The following PLEKHA6 variants were observed in gnomAD, a reference collection of about 807,000 sequenced individuals.
PLEKHA6 encodes the protein pleckstrin homology domain containing A6, also known as pleckstrin homology domain-containing family A member 6.
In PLEKHA6, 60 loss-of-function variants were observed where a neutral mutation model predicts 116.7. The ratio of observed to expected loss-of-function variants is 0.51; its 90% CI spans 0.42 to 0.64. The LOEUF is 0.64. Ranked by LOEUF, PLEKHA6 falls within the 30% of genes least tolerant of loss-of-function variation. The pLI is 0.00. For missense variants in PLEKHA6, 1,338 were observed against 1,422.7 expected (o/e 0.94, Z 0.96); for synonymous variants, 489 against 556.1 (o/e 0.88, Z 1.70).
chr1:204,358,060 A>C (rs1007144540), intron 1 of PLEKHA6, among the ~76,000 whole-genome samples: 1 of 152,222 alleles, frequency 6.6e-6, no homozygotes, highest in Non-Finnish European at 1.5e-5. Context: ...CCCAGCAAAA[A>C]AAAAGCAGGT....
At chr1:204,285,867 C>A (rs2102995684) in intron 1 of PLEKHA6, among the ~76,000 whole-genome samples, 1 of 152,272 alleles carries the variant, frequency 6.6e-6, no homozygotes, top group South Asian at 2.1e-4. Context: ...CACAGAGGAC[C>A]TGTTCCTCCC....
intron 8 of PLEKHA6, among the ~76,000 whole-genome samples, chr1:204,258,429 G>T (rs1467604573): frequency 6.6e-6 from 1 of 152,210 alleles, no homozygotes; most frequent in Non-Finnish European, 1.5e-5. Context: ...ACCATGCCCA[G>T]CTTCCTGACT....
upstream of PLEKHA6, among the ~76,000 whole-genome samples, chr1:204,360,314 C>T: frequency 6.7e-6 from 1 of 149,352 alleles, no homozygotes; most frequent in East Asian, 1.9e-4. Context: ...TGGCTGTCTA[C>T]TCCAGAGAGG....
At chr1:204,255,087 C>T (rs2102708288) in intron 9 of PLEKHA6, among the ~76,000 whole-genome samples, 1 of 152,262 alleles carries the variant, frequency 6.6e-6, no homozygotes, top group South Asian at 2.1e-4. Flanking sequence ...AATGCACGAG[C>T]TGTTTATGCA....
chr1:204,257,418 G>C lies in PLEKHA6; in HGVS notation c.1459C>G (p.Arg487Gly). The C allele has an allele frequency of 6.4e-7, 1 of 1,565,166 alleles. No homozygotes were observed. The highest frequency in any genetic ancestry group is 8.7e-7 in the Non-Finnish European group (1 of 1,154,186). The stretch of plus-strand genomic sequence containing the variant: ...GGGTCAGCATAGATGTCCTCACTGC[G>C]AGGTGGCAGCCGCTCAAAACGGGCA... ...PSARFERLPP[R>G]SEDIYADPAA... is the part of the protein sequence containing the mutation. The change falls in exon 9 of 23, where the codon CGC becomes GGC. Residue 487 changes from arginine to glycine, a missense_variant. By Grantham distance (125) the Arg-to-Gly change is moderately radical. Transcript: ENST00000272203. This position sits in a 1 kb window ranked among gnomAD's most constrained non-coding sequence, Gnocchi z 6.5.
At chr1:204,271,949 G>T (rs1349881927) in intron 3 of PLEKHA6, among the ~76,000 whole-genome samples, 3 of 152,064 alleles carry the variant, frequency 2.0e-5, no homozygotes, top group Non-Finnish European at 4.4e-5. Flanking sequence ...TGCACAACGT[G>T]CAGGTTTGTT....
chr1:204,254,858 G>A (rs1258550026), intron 9 of PLEKHA6, among the ~76,000 whole-genome samples: 1 of 152,108 alleles, frequency 6.6e-6, no homozygotes, highest in Non-Finnish European at 1.5e-5. Context: ...CTAAACTTAA[G>A]AGTATGTGCT....
chr1:204,281,615 C>G (rs1298000421), intron 1 of PLEKHA6, among the ~76,000 whole-genome samples: 5 of 152,174 alleles, frequency 3.3e-5, no homozygotes, highest in African/African-American at 1.2e-4. Flanking sequence ...CCCCTACTGT[C>G]TCTCTTCCAT....
At chr1:204,368,868 G>C (rs1041674832) in intron 2 of PLEKHA6, 1 of 152,212 alleles carries the variant, frequency 6.6e-6, no homozygotes, top group East Asian at 1.9e-4. Flanking sequence ...CAGTCCACAC[G>C]CCTGCCTTGT....
In PLEKHA6 at chr1:204,249,165, G is replaced by A. The variant is rs755588118; in HGVS notation, c.1674+19C>T. 10 of 1,604,726 alleles carry A rather than the reference G, an allele frequency of 6.2e-6. No individual in the cohort carries two copies. The South Asian group carries it at 9.9e-5, about 16-fold the overall frequency. On this transcript the variant is annotated intron_variant, in intron 11 of 22. Transcript: ENST00000272203. ...CCTCGCCCATCTGCCCCAGCTTAAA[G>A]CCACCCCCAGCTTCTCACCTTCTCA...
At chr1:204,242,297 A>G (rs1486015526) in intron 15 of PLEKHA6, among the ~76,000 whole-genome samples, 3 of 152,228 alleles carry the variant, frequency 2.0e-5, no homozygotes, top group African/African-American at 7.2e-5. Flanking sequence ...CATCTGAGCC[A>G]CTGCTCCCAT....
At chr1:204,327,345 CCT>C (rs1216361844) in intron 1 of PLEKHA6, among the ~76,000 whole-genome samples, 2 of 152,216 alleles carry the variant, frequency 1.3e-5, no homozygotes, top group Non-Finnish European at 2.9e-5. Flanking sequence ...TTTCTGTCTC[CCT>C]CTCAAGGCCC....
At chr1:204,272,928 G>A (rs10751447) in intron 3 of PLEKHA6, among the ~76,000 whole-genome samples, 99,607 of 152,010 alleles carry the variant, frequency 0.66, 33,070 homozygotes, top group East Asian at 0.82. Context: ...TTAGAAGAGC[G>A]GTTTCTATGC....
At chr1:204,292,819 C>T (rs1344610918) in intron 1 of PLEKHA6, among the ~76,000 whole-genome samples, 1 of 152,194 alleles carries the variant, frequency 6.6e-6, no homozygotes, top group Admixed American at 6.5e-5. Context: ...TTAGATCACA[C>T]ATTTGATGTG....
Position 204,245,015 on chromosome 1 carries a change from C to T in PLEKHA6, c.2033-12G>A. 3.6e-6 allele frequency: 5 copies of T among 1,407,478 alleles called. No individual in the cohort carries two copies. The South Asian group carries it at 6.4e-5, about 18-fold the overall frequency. 87.2% of individuals were successfully genotyped at this position (1,407,478 alleles called of 1,614,324 possible). ...GGGGCCAAGTCCTCCTTGGGGGAAA[C>T]AAGGGGATGGGTGAGCAATGGAGGA... On this transcript the variant is annotated splice_polypyrimidine_tract_variant and intron_variant, in intron 14 of 22. Transcript: ENST00000272203.
chr1:204,323,764 C>T (rs1259444217), intron 1 of PLEKHA6, among the ~76,000 whole-genome samples: 3 of 152,176 alleles, frequency 2.0e-5, no homozygotes, highest in Non-Finnish European at 4.4e-5. Context: ...TGAGTGCATA[C>T]TTGTGTGAGG....
At chr1:204,275,795 TC>T in intron 1 of PLEKHA6, 4 of 764,930 alleles carry the variant, frequency 5.2e-6, no homozygotes, top group Non-Finnish European at 6.4e-6. Context: ...ATTCAAGCAT[TC>T]AGCCAGTGGA....
At chr1:204,333,314 C>G (rs1672526978) in intron 1 of PLEKHA6, among the ~76,000 whole-genome samples, 1 of 152,210 alleles carries the variant, frequency 6.6e-6, no homozygotes, top group African/African-American at 2.4e-5. Flanking sequence ...GAGGAGCAGG[C>G]AATTCCCACC....
At chr1:204,300,456 C>T (rs1234679158) in intron 1 of PLEKHA6, among the ~76,000 whole-genome samples, 2 of 152,226 alleles carry the variant, frequency 1.3e-5, no homozygotes, top group African/African-American at 4.8e-5. Flanking sequence ...GCTCTCATAG[C>T]CCCGACAAAG....
Sources: allele counts gnomAD v4.1 joint callset (sites outside exome capture counted in the v4.1 genomes callset), GRCh38; gene constraint gnomAD v4.1.1; non-coding constraint Gnocchi (gnomAD v3.1); transcripts MANE v1.5; gene names NCBI Gene and HGNC (gene_info 2026-07-23, HGNC 2026-07-21).